Variants in MDC1 observed in about 807,000 individuals in gnomAD.
MDC1 encodes mediator of DNA damage checkpoint protein 1.
Under a neutral mutation model 142.5 loss-of-function variants are expected in MDC1, and 81 were observed. That is an observed-to-expected ratio of 0.57 (90% CI 0.47 to 0.68). The LOEUF (loss-of-function observed/expected upper bound fraction) is 0.68, where lower values mean the gene tolerates loss of function less well. MDC1 is among the 30% of genes least tolerant of loss of function. MDC1 has a pLI of 0.00. For synonymous variants in MDC1, 797 were observed against 968.4 expected (o/e 0.82, Z 3.29); for missense variants, 2,119 against 2,547.9 (o/e 0.83, Z 3.62).
intron 12 of MDC1, 106 bp from the exon 13 acceptor site, chr6:30,702,983 G>A (rs994463741): frequency 1.9e-6 from 3 of 1,584,906 alleles, no homozygotes; most frequent in Non-Finnish European, 2.6e-6. Context: ...ATCAATGCAG[G>A]CTTCTGGCTC....
intron 14 of MDC1, among the ~76,000 whole-genome samples, chr6:30,701,604 G>C (rs1307468992): frequency 2.6e-5 from 4 of 152,140 alleles, no homozygotes; most frequent in African/African-American, 9.7e-5. Flanking sequence ...AAAAAGCTGG[G>C]TGGGTTAAGG....
chr6:30,713,794 C>G lies in MDC1; in HGVS notation c.517+9G>C. ...TCTCCTCATTCTCCCTGCCAATATA[C>G]AAACTTACCTACTTCCTCCTCCGAG... On this transcript the variant is annotated intron_variant, in intron 3 of 14. Transcript: ENST00000376406. The surrounding 1 kb of genome is among the most constrained non-coding windows in gnomAD (Gnocchi z 4.9). 1.2e-6 allele frequency: 2 copies of G among 1,613,738 alleles called. No individual in the cohort carries two copies. The highest frequency in any genetic ancestry group is 1.1e-5 in the South Asian group (1 of 91,064).
At position 30,700,433 on chromosome 6, in the gene MDC1, G is replaced by A. The variant is rs773278323; in HGVS notation, c.*32C>T. ...CTTTCTTCCACATATCTTCTAATTC[G>A]TGGTCTGGGAGGGAAAAGGGTAGTG... On this transcript the variant is annotated 3_prime_UTR_variant, in exon 15 of 15. Transcript: ENST00000376406. 1.6e-5 allele frequency: 26 copies of A among 1,587,222 alleles called. No individual in the cohort carries two copies. Among genetic ancestry groups the A allele is most frequent in the Admixed American group, 3.4e-5 (2 of 58,354 alleles).
At chr6:30,708,616 G>A (rs1774310969) in intron 7 of MDC1, among the ~76,000 whole-genome samples, 1 of 152,050 alleles carries the variant, frequency 6.6e-6, no homozygotes, top group African/African-American at 2.4e-5. Context: ...GACTTTGGGA[G>A]GCCAAGACAT....
chr6:30,703,153 C>T lies in MDC1; in HGVS notation c.5816G>A (p.Cys1939Tyr). The T allele has an allele frequency of 6.2e-7, 1 of 1,613,138 alleles. No individual in the cohort carries two copies. Among genetic ancestry groups the T allele is most frequent in the Non-Finnish European group, 8.5e-7 (1 of 1,180,038 alleles). The change falls in exon 12 of 15, where the codon TGT becomes TAT. Residue 1939 changes from cysteine (C) to tyrosine (Y), a missense_variant. Coordinates refer to ENST00000376406, the MANE Select transcript of MDC1 (RefSeq NM_014641.3). The surrounding 1 kb of genome is among the most constrained non-coding windows in gnomAD (Gnocchi z 4.4). ...AATGGGGATTCCCCGCCCCAGGGCACACAGGAACTTGACTGTCCGGCGGAT... is the reference window on the plus strand; with the variant it reads ...AATGGGGATTCCCCGCCCCAGGGCATACAGGAACTTGACTGTCCGGCGGAT... Reference protein sequence around the residue: ...DRIRRTVKFLCALGRGIPILS... With the variant: ...DRIRRTVKFLYALGRGIPILS...
rs1773278879 is a variant in MDC1, at chr6:30,704,143, C to G, written c.5040G>C (p.Gln1680His). The change falls in exon 10 of 15, where the codon CAG becomes CAC. Residue 1680 changes from glutamine to histidine, a missense_variant. Transcript: ENST00000376406. ...VTPEAIAQGG[Q>H]SKTLRSSTVR... ...CTGTGGAAGACCTCAGTGTTTTGCT[C>G]TGACCACCCTGAGCTATGGCCTCAG... 7.4e-6 allele frequency: 12 copies of G among 1,613,660 alleles called. No homozygotes were observed. Among genetic ancestry groups the G allele is most frequent in the Non-Finnish European group, 1.0e-5 (12 of 1,179,726 alleles).
chr6:30,703,673 A>G lies in MDC1; in HGVS notation c.5510T>C (p.Val1837Ala). The G allele has an allele frequency of 6.4e-7, 1 of 1,551,844 alleles. No homozygotes were observed. The highest frequency in any genetic ancestry group is 8.7e-7 in the Non-Finnish European group (1 of 1,153,468). The change falls in exon 10 of 15, where the codon GTG becomes GCG. Residue 1837 changes from valine (V) to alanine (A), a missense_variant. Val to Ala is a moderately conservative substitution (Grantham distance 64). Transcript: ENST00000376406. The surrounding 1 kb of genome is among the most constrained non-coding windows in gnomAD (Gnocchi z 4.4). ...PQRGEVSQKT[V>A]IIKEEEEDTA... ...ATCTTCTTCCTCTTCCTTGATAATC[A>G]CTGTCTTCTGGGAGACTTCCCCTCT... is the stretch of plus-strand genomic sequence containing the variant.
At chr6:30,700,711 C>G (rs2894043) in intron 14 of MDC1, 79 bp from the exon 15 acceptor site, 183,671 of 1,435,748 alleles carry the variant, frequency 0.13, 17,958 homozygotes, top group African/African-American at 0.47. Context: ...ACCAGTCTTA[C>G]CATCACTAAA....
Position 30,711,990 on chromosome 6 carries a change from T to C in MDC1, c.1952A>G (p.Asp651Gly), listed in dbSNP as rs1272794543. 1.3e-6 allele frequency: 2 copies of C among 1,597,908 alleles called. No homozygotes were observed. The highest frequency in any genetic ancestry group is 4.5e-5 in the East Asian group (2 of 44,788). Reference sequence around the variant, plus strand: ...GGTGGATTCCCCTAGAGTGTCTGTGTCCACCACCAGATCTGTGAGGTTCTC... The same window carrying C: ...GGTGGATTCCCCTAGAGTGTCTGTGCCCACCACCAGATCTGTGAGGTTCTC... ...SRENLTDLVVDTDTLGESTQP... is the reference protein window; with the variant it reads ...SRENLTDLVVGTDTLGESTQP... Residue 651 changes from aspartate to glycine, a missense_variant, in exon 5 of 15, where the codon GAC (aspartate) becomes GGC (glycine). Asp to Gly is a moderately conservative substitution (Grantham distance 94, BLOSUM62 -1). Transcript: ENST00000376406.
chr6:30,703,101 C>T lies in MDC1; in HGVS notation c.5865+3G>A, dbSNP rs377200740. Reference sequence around the variant, plus strand: ...GGTCTGTCATCATCCCTTGGCCTCTCACCTGATGCAGCCAGTCCAGGGACA... The same window carrying T: ...GGTCTGTCATCATCCCTTGGCCTCTTACCTGATGCAGCCAGTCCAGGGACA... On this transcript the variant is annotated splice_donor_region_variant and intron_variant, in intron 12 of 14. Coordinates refer to ENST00000376406, the MANE Select transcript of MDC1 (RefSeq NM_014641.3). The surrounding 1 kb of genome is among the most constrained non-coding windows in gnomAD (Gnocchi z 4.4). 2 of 1,611,644 alleles carry T rather than the reference C, an allele frequency of 1.2e-6. No homozygotes were observed. The highest frequency in any genetic ancestry group is 2.7e-5 in the African/African-American group (2 of 74,926).
intron 2 of MDC1, among the ~76,000 whole-genome samples, chr6:30,714,805 T>C (rs566417562): frequency 6.6e-6 from 1 of 152,190 alleles, no homozygotes; most frequent in Non-Finnish European, 1.5e-5. Context: ...TGTGAGTCAC[T>C]GCACCCAGCT....
At chr6:30,708,855 C>CA (rs59939040) in intron 7 of MDC1, among the ~76,000 whole-genome samples, 6,741 of 54,018 alleles carry the variant, frequency 0.12, 475 homozygotes, top group African/African-American at 0.2. Flanking sequence ...GACTCTGTCT[C>CA]AAAAAAAAAA....
rs1774443389 is a variant in MDC1, at chr6:30,709,234, CT to C, written c.2222-878del. 6.6e-6 allele frequency among the ~76,000 whole-genome samples: 1 copy of C among 152,230 alleles called. No homozygotes were observed. The highest frequency in any genetic ancestry group is 6.5e-5 in the Admixed American group (1 of 15,280). On this transcript the variant is annotated intron_variant, in intron 7 of 14. Coordinates refer to ENST00000376406, the MANE Select transcript of MDC1 (RefSeq NM_014641.3). The surrounding 1 kb of genome is among the most constrained non-coding windows in gnomAD (Gnocchi z 4.2). ...ATTTGTTGTAGAGATGGGGTTTGGT[CT>C]TGAACTCTTAGACTCAAGTGATCCA...
At position 30,716,319 on chromosome 6, in the gene MDC1, C is replaced by A. The variant is rs1017184933; in HGVS notation, c.-4+926G>T. Among the ~76,000 whole-genome samples, 2 of 151,874 alleles carry A rather than the reference C, an allele frequency of 1.3e-5. No homozygotes were observed. Among genetic ancestry groups the A allele is most frequent in the South Asian group, 2.1e-4 (1 of 4,822 alleles). The stretch of plus-strand genomic sequence containing the variant: ...GCTCACTGCAACCTCTGCCTCCAGG[C>A]TTCAAGCGATTCTCCTGCCTCAGCC... On this transcript the variant is annotated intron_variant, in intron 1 of 14. Transcript: ENST00000376406. The surrounding 1 kb of genome is among the most constrained non-coding windows in gnomAD (Gnocchi z 4.4).
chr6:30,712,516 T>C lies in MDC1; in HGVS notation c.1426A>G (p.Lys476Glu). The C allele has an allele frequency of 6.2e-7, 1 of 1,613,082 alleles. No homozygotes were observed. Among genetic ancestry groups the C allele is most frequent in the Non-Finnish European group, 8.5e-7 (1 of 1,180,020 alleles). The part of the protein sequence containing the change: ...NREAVLKDHT[K>E]IRALVRAHSE... ...TGTGCTCTAACAAGGGCTCTAATCT[T>C]TGTGTGATCCTTGAGGACAGCTTCT... The change falls in exon 5 of 15, where the codon AAG (lysine) becomes GAG (glutamate). Residue 476 changes from lysine to glutamate, a missense_variant. Physicochemically the swap from Lys to Glu is moderately conservative, Grantham distance 56 (BLOSUM62 1). Transcript: ENST00000376406. The surrounding 1 kb of genome is among the most constrained non-coding windows in gnomAD (Gnocchi z 4.7).
intron 7 of MDC1, 120 bp from the exon 8 acceptor site, chr6:30,708,477 A>C: frequency 1.3e-6 from 1 of 745,288 alleles, no homozygotes; most frequent in Non-Finnish European, 2.2e-6. Context: ...AGATAAACTC[A>C]TGAATAATAA....
Position 30,705,975 on chromosome 6 carries a change from G to A in MDC1, c.3208C>T (p.Leu1070Phe). The A allele has an allele frequency of 1.2e-6, 2 of 1,613,744 alleles. No individual in the cohort carries two copies. The highest frequency in any genetic ancestry group is 1.7e-6 in the Non-Finnish European group (2 of 1,179,966). ...HLAPPPLLSP[L>F]LPSIKPTVRK... The stretch of plus-strand genomic sequence containing the variant: ...ACGGTTGGCTTGATAGAAGGTAAAA[G>A]GGGAGAAAGAAGGGGCGGAGGTGCA... The change falls in exon 10 of 15, where the codon CTT becomes TTT. Residue 1070 changes from leucine to phenylalanine, a missense_variant. Physicochemically the swap from Leu to Phe is conservative, Grantham distance 22. Coordinates refer to ENST00000376406, the MANE Select transcript of MDC1 (RefSeq NM_014641.3).
At position 30,707,851 on chromosome 6, in the gene MDC1, G is replaced by T. The variant is rs1458642484; in HGVS notation, c.2728C>A (p.Leu910Ile). The change falls in exon 8 of 15, where the codon CTT (leucine) becomes ATT (isoleucine). Residue 910 changes from leucine (L) to isoleucine (I), a missense_variant. Transcript: ENST00000376406. Reference protein sequence around the residue: ...IQEKQVQKQTLPSKAFEREVE... With the variant: ...IQEKQVQKQTIPSKAFEREVE... ...TCTCTCTCAAATGCTTTGCTTGGAAGGGTCTGCTTCTGTACTTGTTTCTCT... is the reference window on the plus strand; with the variant it reads ...TCTCTCTCAAATGCTTTGCTTGGAATGGTCTGCTTCTGTACTTGTTTCTCT... The T allele has an allele frequency of 6.2e-7, 1 of 1,612,946 alleles. No individual in the cohort carries two copies. Among genetic ancestry groups the T allele is most frequent in the African/African-American group, 1.3e-5 (1 of 74,908 alleles).
At chr6:30,717,186 C>T (rs1486474004) in intron 1 of MDC1, 59 bp downstream of exon 1, 1 of 152,290 alleles carries the variant, frequency 6.6e-6, no homozygotes, top group Non-Finnish European at 1.5e-5. Context: ...GCCCCTCCCG[C>T]CTTCTGGGGG....
Sources: gnomAD v4.1 joint callset for allele counts (sites outside exome capture counted in the v4.1 genomes callset) on GRCh38, gnomAD v4.1.1 for gene constraint, Gnocchi (gnomAD v3.1) non-coding constraint, MANE v1.5 for transcripts, NCBI Gene and HGNC (gene_info 2026-07-23, HGNC 2026-07-21) for gene names.